Variants in NIPSNAP1 observed in about 807,000 individuals in gnomAD.
NIPSNAP1 encodes nipsnap homolog 1, also known as protein NipSnap homolog 1.
Under a neutral mutation model 49.2 loss-of-function variants are expected in NIPSNAP1, and 25 were observed. The observed-to-expected ratio is 0.51, with a 90% confidence interval of 0.37 to 0.71. NIPSNAP1 has a LOEUF of 0.71. NIPSNAP1 is among the 30% of genes least tolerant of loss of function. NIPSNAP1 has a pLI of 0.00. For synonymous variants in NIPSNAP1, 143 were observed against 140.7 expected, an observed-to-expected ratio of 1.02 and a Z score of -0.12; for missense variants, 294 against 361.0, an observed-to-expected ratio of 0.81 and a Z score of 1.50.
intron 9 of NIPSNAP1, among the ~76,000 whole-genome samples, chr22:29,558,071 T>C (rs1056256151): frequency 2.0e-5 from 3 of 152,200 alleles, no homozygotes. Context: ...GAGACCTGCC[T>C]GGGTGACATA....
intron 1 of NIPSNAP1, among the ~76,000 whole-genome samples, chr22:29,575,763 G>A (rs1393075650): frequency 6.6e-6 from 1 of 151,112 alleles, no homozygotes; most frequent in East Asian, 2.0e-4. Context: ...CGTCCAGGCT[G>A]TAGTGCAGTG....
At chr22:29,561,333 C>T (rs1373585165) in intron 6 of NIPSNAP1, 131 bp from the exon 7 acceptor site, 2 of 1,413,776 alleles carry the variant, frequency 1.4e-6, no homozygotes, top group African/African-American at 2.8e-5. Context: ...GCCTCATTCG[C>T]AGGCCCTGAC....
At chr22:29,565,074 C>A (rs985120884) in intron 4 of NIPSNAP1, among the ~76,000 whole-genome samples, 6 of 151,956 alleles carry the variant, frequency 3.9e-5, no homozygotes, top group Non-Finnish European at 8.8e-5. Flanking sequence ...CATGGTGGTG[C>A]ATGTCTGTGG....
At chr22:29,561,134 C>T (rs371622704) in intron 7 of NIPSNAP1, 37 bp downstream of exon 7, 102 of 1,595,408 alleles carry the variant, frequency 6.4e-5, no homozygotes, top group African/African-American at 6.2e-4. Context: ...GAGCAGGGTA[C>T]GCCTCCCCCA....
chr22:29,563,009 G>A (rs370744285), intron 4 of NIPSNAP1, among the ~76,000 whole-genome samples: 2 of 151,704 alleles, frequency 1.3e-5, no homozygotes, highest in African/African-American at 2.4e-5. Context: ...TGAAGCAGGA[G>A]AATGGCATGA....
chr22:29,568,178 CAAAAAAAAAAAA>C (rs33974680), intron 4 of NIPSNAP1, among the ~76,000 whole-genome samples: 7 of 40,644 alleles, frequency 1.7e-4, no homozygotes, highest in South Asian at 1.5e-3. Flanking sequence ...GACCCTGTCT[CAAAAAAAAAAAA>C]AAAAAAAAAA....
chr22:29,569,581 T>G (rs1005912402), intron 3 of NIPSNAP1, among the ~76,000 whole-genome samples: 2 of 151,552 alleles, frequency 1.3e-5, no homozygotes, highest in Non-Finnish European at 2.9e-5. Flanking sequence ...TCTCTCTTTT[T>G]TGTGTGTGAG....
intron 4 of NIPSNAP1, among the ~76,000 whole-genome samples, chr22:29,562,507 C>T (rs1043838073): frequency 2.6e-5 from 4 of 152,086 alleles, no homozygotes; most frequent in Non-Finnish European, 4.4e-5. Context: ...GCCTGACCAA[C>T]ATGGAAAAAC....
In NIPSNAP1 at chr22:29,569,228, T is replaced by A; in HGVS notation, c.332A>T (p.Asn111Ile). 1.9e-6 allele frequency: 3 copies of A among 1,614,028 alleles called. No homozygotes were observed. Among genetic ancestry groups the A allele is most frequent in the East Asian group, 4.5e-5 (2 of 44,852 alleles). Residue 111 changes from asparagine to isoleucine, a missense_variant, in exon 4 of 10, where the codon AAC (asparagine) becomes ATC (isoleucine). Physicochemically the swap from Asn to Ile is moderately radical, Grantham distance 149. Transcript: ENST00000216121. ...CTGCTCCCCATACCACGTGTTCCAG[T>A]TGCCCACGAGTGAGCATGGGTAGTC... is the stretch of plus-strand genomic sequence containing the variant. ...DEDYPCSLVGNWNTWYGEQDQ... is the reference protein window; with the variant it reads ...DEDYPCSLVGIWNTWYGEQDQ...
chr22:29,569,994 A>C, intron 3 of NIPSNAP1, 168 bp downstream of exon 3: 2 of 682,768 alleles, frequency 2.9e-6, no homozygotes, highest in Non-Finnish European at 5.2e-6. Context: ...CATCTCAAAA[A>C]AAAAGAAAGA....
rs920627402 is a variant in NIPSNAP1, at chr22:29,581,075, G to A, written c.8C>T (p.Pro3Leu). 1.3e-6 allele frequency: 2 copies of A among 1,541,632 alleles called. No individual in the cohort carries two copies. The highest frequency in any genetic ancestry group is 1.4e-5 in the African/African-American group (1 of 72,770). The change falls in exon 1 of 10, where the codon CCG becomes CTG. Residue 3 changes from proline (P) to leucine (L), a missense_variant. By Grantham distance (98) the Pro-to-Leu change is moderately conservative. Transcript: ENST00000216121. MA[P>L]RLCSISVTAR... is the part of the protein sequence containing the mutation. ...CGTCACAGAGATGCTGCACAGCCGC[G>A]GAGCCATGTTGGAGCCGCAAAGGTT...
intron 9 of NIPSNAP1, among the ~76,000 whole-genome samples, chr22:29,558,637 A>G (rs542224968): frequency 6.6e-6 from 1 of 152,248 alleles, no homozygotes; most frequent in South Asian, 2.1e-4. Context: ...TTGCTAATCC[A>G]CATCTCCTAG....
At chr22:29,562,440 G>A (rs1441580247) in intron 4 of NIPSNAP1, among the ~76,000 whole-genome samples, 2 of 152,282 alleles carry the variant, frequency 1.3e-5, no homozygotes, top group East Asian at 1.9e-4. Flanking sequence ...TAGACCAGGC[G>A]CAGTGGCTCA....
intron 1 of NIPSNAP1, among the ~76,000 whole-genome samples, chr22:29,573,329 T>C (rs1367548645): frequency 2.0e-5 from 3 of 151,998 alleles, no homozygotes; most frequent in Non-Finnish European, 2.9e-5. Flanking sequence ...GCCACTGCGC[T>C]GGGCCAAAGT....
Position 29,559,007 on chromosome 22 carries a change from C to A in NIPSNAP1, c.707-54G>T, listed in dbSNP as rs1383207776. 3.8e-6 allele frequency: 5 copies of A among 1,325,566 alleles called. No homozygotes were observed. In the Admixed American group the frequency reaches 8.4e-5, roughly 22 times the overall value. 82.1% of individuals were successfully genotyped at this position (1,325,566 alleles called of 1,614,324 possible). On this transcript the variant is annotated intron_variant, in intron 8 of 9. Transcript: ENST00000216121. ...AGGCACAGAGGACTGGATCCCTTAC[C>A]CAGCACAGGGCCCTCTTCCCACTGT...
At chr22:29,579,804 A>G in intron 1 of NIPSNAP1, 1 of 291,214 alleles carries the variant, frequency 3.4e-6, no homozygotes, top group Non-Finnish European at 7.0e-6. Context: ...GAGGAACCCG[A>G]GGCTTAAAGA....
chr22:29,563,558 A>G (rs1053075304), intron 4 of NIPSNAP1, among the ~76,000 whole-genome samples: 9 of 152,146 alleles, frequency 5.9e-5, no homozygotes, highest in African/African-American at 1.9e-4. Context: ...AAAAATAAAT[A>G]AAAATCATAT....
At chr22:29,564,098 G>A in intron 4 of NIPSNAP1, 1 of 250,774 alleles carries the variant, frequency 4.0e-6, no homozygotes, top group South Asian at 4.2e-5. Flanking sequence ...TGCCATCCTG[G>A]GAGCATGGCT....
Position 29,561,775 on chromosome 22 carries a change from A to T in NIPSNAP1, c.438+17T>A. 1 of 1,613,912 alleles carries T rather than the reference A, an allele frequency of 6.2e-7. No individual in the cohort carries two copies. Among genetic ancestry groups the T allele is most frequent in the Non-Finnish European group, 8.5e-7 (1 of 1,179,820 alleles). ...ATCCCACATCCAGAGAGGTGTGCTG[A>T]GTGGACACTAACATACCTTATTGTT... On this transcript the variant is annotated intron_variant, in intron 5 of 9. Transcript: ENST00000216121.
Sources: allele counts gnomAD v4.1 joint callset (sites outside exome capture counted in the v4.1 genomes callset), GRCh38; gene constraint gnomAD v4.1.1; transcripts MANE v1.5; gene names NCBI Gene and HGNC (gene_info 2026-07-23, HGNC 2026-07-21).